The following HS3ST4 variants were observed in gnomAD, a reference collection of about 807,000 sequenced individuals.
HS3ST4 encodes heparan sulfate glucosamine 3-O-sulfotransferase 4.
HS3ST4 carries 17 observed loss-of-function variants against 29.2 expected under a neutral mutation model. That is an observed-to-expected ratio of 0.58 (90% CI 0.40 to 0.87). The LOEUF is 0.87. Ranked by LOEUF, HS3ST4 falls within the 40% of genes least tolerant of loss-of-function variation. HS3ST4 has a pLI of 0.00. For synonymous variants in HS3ST4, 314 were observed against 285.7 expected, an observed-to-expected ratio of 1.10 and a Z score of -1.00; for missense variants, 627 against 634.5, an observed-to-expected ratio of 0.99 and a Z score of 0.13.
intron 1 of HS3ST4, among the ~76,000 whole-genome samples, chr16:26,019,097 G>A (rs146880218): frequency 3.6e-4 from 54 of 152,068 alleles, no homozygotes; most frequent in Non-Finnish European, 4.7e-4. Context: ...TCATATTCCC[G>A]TCCTGCAAGT....
At position 26,016,242 on chromosome 16, in the gene HS3ST4, T is replaced by C. The variant is rs755958909; in HGVS notation, c.735-119370T>C. ...ATGGATAAAGTATCCAATAATCTGC[T>C]TATAAATGTGGTTGTCACTCCAGGC... On this transcript the variant is annotated intron_variant, in intron 1 of 1. Coordinates refer to ENST00000331351, the MANE Select transcript of HS3ST4 (RefSeq NM_006040.3). 5.9e-4 allele frequency among the ~76,000 whole-genome samples: 90 copies of C among 152,202 alleles called. 1 individual carries two copies. The highest frequency in any genetic ancestry group is 5.9e-3 in the Admixed American group (90 of 15,276).
chr16:25,868,508 A>T (rs1967718025), intron 1 of HS3ST4, among the ~76,000 whole-genome samples: 1 of 152,122 alleles, frequency 6.6e-6, no homozygotes, highest in South Asian at 2.1e-4. Flanking sequence ...TTTCAGGGTC[A>T]TCTTAAAAGA....
At chr16:25,754,006 C>T (rs768458498) in intron 1 of HS3ST4, among the ~76,000 whole-genome samples, 7 of 152,086 alleles carry the variant, frequency 4.6e-5, no homozygotes, top group Admixed American at 1.3e-4. Flanking sequence ...CAGCCAGAAT[C>T]GCTAACAAGG....
chr16:26,103,942 C>G (rs192517771), intron 1 of HS3ST4, among the ~76,000 whole-genome samples: 1 of 152,194 alleles, frequency 6.6e-6, no homozygotes, highest in Non-Finnish European at 1.5e-5. Flanking sequence ...AATAAATACA[C>G]ACTCACACAC....
intron 1 of HS3ST4, among the ~76,000 whole-genome samples, chr16:25,936,433 A>C (rs1002019151): frequency 6.6e-6 from 1 of 152,256 alleles, no homozygotes; most frequent in Non-Finnish European, 1.5e-5. Flanking sequence ...GTAGGAACTC[A>C]TGCAAAAATC....
chr16:25,726,542 T>G (rs1276925216), intron 1 of HS3ST4, among the ~76,000 whole-genome samples: 1 of 152,162 alleles, frequency 6.6e-6, no homozygotes, highest in African/African-American at 2.4e-5. Flanking sequence ...GCAGTCAGGG[T>G]GATTTAAAGG....
rs1969387851 is a variant in HS3ST4, at chr16:26,019,163, C to G, written c.735-116449C>G. Among the ~76,000 whole-genome samples, 3 of 152,060 alleles carry G rather than the reference C, an allele frequency of 2.0e-5. 1 individual carries two copies. In the South Asian group the frequency reaches 6.2e-4, roughly 32 times the overall value. ...TCATCTGCTACCCCCCGATCCACCC[C>G]CTCAATCAATCCCTGCTTCCAAACA... On this transcript the variant is annotated intron_variant, in intron 1 of 1. Coordinates refer to ENST00000331351, the MANE Select transcript of HS3ST4 (RefSeq NM_006040.3).
At chr16:25,700,756 G>A (rs147150828) in intron 1 of HS3ST4, among the ~76,000 whole-genome samples, 500 of 152,194 alleles carry the variant, frequency 3.3e-3, no homozygotes, top group Non-Finnish European at 4.4e-3. Flanking sequence ...TGGGAATTGC[G>A]TTCTGAAATT....
intron 1 of HS3ST4, among the ~76,000 whole-genome samples, chr16:25,748,243 C>G (rs529084789): frequency 6.6e-6 from 1 of 152,094 alleles, no homozygotes; most frequent in African/African-American, 2.4e-5. Flanking sequence ...GGTTGCATGC[C>G]GCTCCCCTCC....
intron 1 of HS3ST4, among the ~76,000 whole-genome samples, chr16:25,810,529 C>G (rs1326052049): frequency 1.3e-5 from 2 of 152,124 alleles, no homozygotes; most frequent in Non-Finnish European, 2.9e-5. Context: ...TCTAGTAGTT[C>G]TCTCATTTGC....
intron 1 of HS3ST4, among the ~76,000 whole-genome samples, chr16:25,813,775 GCA>G (rs1183883612): frequency 6.6e-6 from 1 of 152,148 alleles, no homozygotes; most frequent in Non-Finnish European, 1.5e-5. Flanking sequence ...AAAAAGACTT[GCA>G]CACAAATGTT....
rs745779024 is a variant in HS3ST4 at position 25,692,432 on chromosome 16, C to G, written c.15C>G (p.Pro5=). MARW[P]APPPPPPPPP... ...CGGGAGCCGCGATGGCCCGGTGGCC[C>G]GCACCTCCTCCGCCTCCGCCTCCGC... The change falls in exon 1 of 2, where the codon CCC becomes CCG. Residue 5 remains proline (P), a synonymous_variant. Transcript: ENST00000331351. The G allele has an allele frequency of 8.7e-7, 1 of 1,155,830 alleles. No individual in the cohort carries two copies. The highest frequency in any genetic ancestry group is 3.1e-5 in the South Asian group (1 of 31,950). The allele number at this position is 1,155,830 out of a possible 1,614,324, so 71.6% of individuals were successfully genotyped here. A position where few individuals can be genotyped will look rare whatever the true frequency, so the allele number is the denominator to read the frequency against.
chr16:25,692,821 C>A lies in HS3ST4; in HGVS notation c.404C>A (p.Ala135Asp), dbSNP rs1298902426. ...GGGCTGCCGAGCGGCGGCGGAGGCG[C>A]CCAGGACGCCTGGCTCCGGACCCCG... is the stretch of plus-strand genomic sequence containing the variant. ...GWGLPSGGGG[A>D]QDAWLRTPLA... Residue 135 changes from alanine to aspartate, a missense_variant, in exon 1 of 2, where the codon GCC becomes GAC. By Grantham distance (126) the Ala-to-Asp change is moderately radical. Coordinates refer to ENST00000331351, the MANE Select transcript of HS3ST4 (RefSeq NM_006040.3). 6 of 1,389,136 alleles carry A rather than the reference C, an allele frequency of 4.3e-6. No individual in the cohort carries two copies. The highest frequency in any genetic ancestry group is 5.6e-6 in the Non-Finnish European group (6 of 1,079,902). 86.1% of individuals were successfully genotyped at this position (1,389,136 alleles called of 1,614,324 possible). A position where few individuals can be genotyped will look rare whatever the true frequency, so the allele number is the denominator to read the frequency against.
chr16:25,696,237 C>T (rs888272850), intron 1 of HS3ST4, among the ~76,000 whole-genome samples: 8 of 152,098 alleles, frequency 5.3e-5, no homozygotes, highest in African/African-American at 1.9e-4. Flanking sequence ...TTCCCTCTCC[C>T]TTTCCAAAAA....
At chr16:25,886,288 C>T (rs1281491656) in intron 1 of HS3ST4, among the ~76,000 whole-genome samples, 1 of 152,102 alleles carries the variant, frequency 6.6e-6, no homozygotes, top group Non-Finnish European at 1.5e-5. Flanking sequence ...CTGCCTCGGC[C>T]TCCCAAAGTT....
intron 1 of HS3ST4, among the ~76,000 whole-genome samples, chr16:25,943,484 G>A (rs188957319): frequency 6.6e-6 from 1 of 152,154 alleles, no homozygotes; most frequent in African/African-American, 2.4e-5. Context: ...TGACATTTTG[G>A]GGCTATTGAA....
At chr16:25,990,348 T>C (rs1401253619) in intron 1 of HS3ST4, among the ~76,000 whole-genome samples, 1 of 152,212 alleles carries the variant, frequency 6.6e-6, no homozygotes, top group Non-Finnish European at 1.5e-5. Context: ...TCTTCCAAAG[T>C]GACTCCACCA....
intron 1 of HS3ST4, among the ~76,000 whole-genome samples, chr16:26,105,272 A>G (rs1217853704): frequency 6.6e-6 from 1 of 152,204 alleles, no homozygotes; most frequent in Non-Finnish European, 1.5e-5. Flanking sequence ...GCATGTTCTC[A>G]TTTATAAGTG....
rs1421193095 is a variant in HS3ST4, at chr16:25,949,599, C to G, written c.735-186013C>G. Among the ~76,000 whole-genome samples, 5 of 152,080 alleles carry G rather than the reference C, an allele frequency of 3.3e-5. No individual in the cohort carries two copies. In the South Asian group the frequency reaches 1.0e-3, roughly 31 times the overall value. On this transcript the variant is annotated intron_variant, in intron 1 of 1. Coordinates refer to ENST00000331351, the MANE Select transcript of HS3ST4 (RefSeq NM_006040.3). ...AGAGACTTCAGTGTAGAATTAGGCT[C>G]TATTATGGCTACAGCATAGACAAGT...
Sources: allele counts gnomAD v4.1 joint callset (sites outside exome capture counted in the v4.1 genomes callset), GRCh38; gene constraint gnomAD v4.1.1; transcripts MANE v1.5; gene names NCBI Gene and HGNC (gene_info 2026-07-23, HGNC 2026-07-21).